Variants in CNTN6 observed in about 807,000 individuals in gnomAD.
The protein encoded by CNTN6 is contactin 6, also known as contactin-6.
CNTN6 carries 137 observed loss-of-function variants against 122.8 expected under a neutral mutation model. The ratio of observed to expected loss-of-function variants is 1.12; its 90% confidence interval spans 0.97 to 1.29. The LOEUF (loss-of-function observed/expected upper bound fraction) is 1.29. Among genes scored for constraint, CNTN6 ranks in the 50% most tolerant of loss-of-function variants. The pLI, the probability that CNTN6 is intolerant of heterozygous loss-of-function variation, is 0.00. For synonymous variants in CNTN6, 570 were observed against 426.0 expected, an observed-to-expected ratio of 1.34 and a Z score of -4.16; for missense variants, 1,634 against 1,223.4, an observed-to-expected ratio of 1.34 and a Z score of -5.01.
chr3:1,267,266 A>T (rs944083065), intron 4 of CNTN6, among the ~76,000 whole-genome samples: 1 of 152,058 alleles, frequency 6.6e-6, no homozygotes, highest in African/African-American at 2.4e-5. Flanking sequence ...ACCATTGAGC[A>T]GGGAAAGTGG....
chr3:1,160,155 TATCTC>T (rs1370481598), intron 2 of CNTN6, among the ~76,000 whole-genome samples: 2 of 151,784 alleles, frequency 1.3e-5, no homozygotes, highest in African/African-American at 2.4e-5. Flanking sequence ...AAATCCAAAA[TATCTC>T]AGTAAGTATA....
intron 11 of CNTN6, among the ~76,000 whole-genome samples, chr3:1,344,654 T>A (rs1175443761): frequency 2.0e-5 from 3 of 152,196 alleles, no homozygotes; most frequent in Non-Finnish European, 4.4e-5. Flanking sequence ...AAGAAAGATT[T>A]GCAAATTATA....
chr3:1,135,236 T>G (rs912222705), intron 1 of CNTN6, among the ~76,000 whole-genome samples: 4 of 152,198 alleles, frequency 2.6e-5, no homozygotes, highest in African/African-American at 9.6e-5. Flanking sequence ...TGCCTCTCTT[T>G]TGCAGAGAAA....
At chr3:1,132,540 C>T (rs1189415431) in intron 1 of CNTN6, among the ~76,000 whole-genome samples, 1 of 151,924 alleles carries the variant, frequency 6.6e-6, no homozygotes, top group Non-Finnish European at 1.5e-5. Flanking sequence ...GCCTGGGCAA[C>T]ATAGAAAGAC....
intron 2 of CNTN6, among the ~76,000 whole-genome samples, chr3:1,215,362 GT>G (rs2094115695): frequency 6.6e-6 from 1 of 152,094 alleles, no homozygotes; most frequent in African/African-American, 2.4e-5. Context: ...TTCACATTAT[GT>G]GAGATAATTA....
chr3:1,385,518 A>T (rs1692743423), intron 19 of CNTN6, 93 bp from the exon 20 acceptor site: 3 of 975,386 alleles, frequency 3.1e-6, no homozygotes, highest in Non-Finnish European at 4.6e-6. Context: ...TTCTTCCCAT[A>T]TTCCTTGTGG....
At chr3:1,222,562 T>C (rs569400628) in intron 3 of CNTN6, among the ~76,000 whole-genome samples, 1 of 118,358 alleles carries the variant, frequency 8.4e-6, no homozygotes, top group Admixed American at 8.2e-5. Flanking sequence ...ATTAGTTTTA[T>C]CTGTGAAAAA....
intron 12 of CNTN6, 53 bp from the exon 13 acceptor site, chr3:1,372,246 A>G: frequency 7.3e-7 from 1 of 1,378,172 alleles, no homozygotes; most frequent in Non-Finnish European, 9.9e-7. Context: ...TGTATTTTAT[A>G]ACCATAGGCT....
intron 5 of CNTN6, among the ~76,000 whole-genome samples, chr3:1,290,466 C>A (rs968542969): frequency 4.6e-5 from 7 of 151,886 alleles, no homozygotes; most frequent in African/African-American, 1.7e-4. Flanking sequence ...AGGACATGAA[C>A]ATAGAAAAAG....
intron 2 of CNTN6, among the ~76,000 whole-genome samples, chr3:1,199,530 C>G (rs1172238537): frequency 2.0e-5 from 3 of 151,830 alleles, no homozygotes; most frequent in African/African-American, 7.3e-5. Context: ...TGCAGCAGCA[C>G]TAGGAAACTA....
chr3:1,295,389 GA>G (rs1466682224), intron 5 of CNTN6, among the ~76,000 whole-genome samples: 3 of 152,200 alleles, frequency 2.0e-5, no homozygotes, highest in Non-Finnish European at 2.9e-5. Flanking sequence ...CAATGATGGG[GA>G]AAGTGCCCAC....
rs189790794 is a variant in CNTN6, at chr3:1,274,792, G to C, written c.359-3621G>C. ...ATGTATGGTTGGCCCTAACCACTCAGAATGTCATAATCATAGTAATTACCA... is the reference window on the plus strand; with the variant it reads ...ATGTATGGTTGGCCCTAACCACTCACAATGTCATAATCATAGTAATTACCA... On this transcript the variant is annotated intron_variant, in intron 4 of 22. Transcript: ENST00000446702. Among the ~76,000 whole-genome samples, 876 of 152,228 alleles carry C rather than the reference G, an allele frequency of 5.8e-3. 8 individuals are homozygous for C. The highest frequency in any genetic ancestry group is 5.0e-3 in the Non-Finnish European group (342 of 68,014).
intron 4 of CNTN6, among the ~76,000 whole-genome samples, chr3:1,256,228 A>G (rs2094755951): frequency 6.6e-6 from 1 of 152,174 alleles, no homozygotes; most frequent in African/African-American, 2.4e-5. Flanking sequence ...TATCTTAAGA[A>G]TTATAATTTT....
Position 1,388,230 on chromosome 3 carries a change from GCCT to G in CNTN6, c.2704+2438_2704+2440del, listed in dbSNP as rs1192050395. 2.9e-4 allele frequency among the ~76,000 whole-genome samples: 43 copies of G among 149,500 alleles called. 1 individual carries two copies. Among genetic ancestry groups the G allele is most frequent in the African/African-American group, 9.8e-4 (40 of 40,726 alleles). ...CTGGAGATCTGAGAACTGGCACACTGCCTCCTCAAGTGGGTCCCTGACCCCTGA... is the reference window on the plus strand; with the variant it reads ...CTGGAGATCTGAGAACTGGCACACTGCCTCAAGTGGGTCCCTGACCCCTGA... On this transcript the variant is annotated intron_variant, in intron 20 of 22. Transcript: ENST00000446702.
chr3:1,326,588 A>T (rs544240573), intron 9 of CNTN6, among the ~76,000 whole-genome samples: 1 of 151,882 alleles, frequency 6.6e-6, no homozygotes, highest in Non-Finnish European at 1.5e-5. Flanking sequence ...CATTTAAAGC[A>T]TACTTTCTTC....
rs557201797 is a variant in CNTN6 at position 1,233,197 on chromosome 3, C to T, written c.358+5204C>T. Among the ~76,000 whole-genome samples, 17 of 152,182 alleles carry T rather than the reference C, an allele frequency of 1.1e-4. No individual in the cohort carries two copies. In the East Asian group the frequency reaches 2.1e-3, roughly 19 times the overall value. On this transcript the variant is annotated intron_variant, in intron 4 of 22. Coordinates refer to ENST00000446702, the MANE Select transcript of CNTN6 (RefSeq NM_001289080.2). ...TCCACACTCAGTATGACACTGTGTA[C>T]GGTGTTAATTTATGGTTAAATGCCA...
At chr3:1,280,751 C>T (rs1693263584) in intron 5 of CNTN6, among the ~76,000 whole-genome samples, 1 of 151,980 alleles carries the variant, frequency 6.6e-6, no homozygotes, top group African/African-American at 2.4e-5. Context: ...AGGCATGAGT[C>T]ACCGCACCTG....
chr3:1,224,594 A>G (rs2094253880), intron 3 of CNTN6, among the ~76,000 whole-genome samples: 1 of 152,168 alleles, frequency 6.6e-6, no homozygotes, highest in African/African-American at 2.4e-5. Context: ...AAAAAGAAAC[A>G]CATTCTTTCA....
chr3:1,349,716 C>T (rs1705329803), intron 11 of CNTN6, among the ~76,000 whole-genome samples: 1 of 151,378 alleles, frequency 6.6e-6, no homozygotes. Context: ...TGTTAAAAAA[C>T]TGGAAATTCT....
Sources: allele counts gnomAD v4.1 joint callset (sites outside exome capture counted in the v4.1 genomes callset), GRCh38; gene constraint gnomAD v4.1.1; transcripts MANE v1.5; gene names NCBI Gene and HGNC (gene_info 2026-07-23, HGNC 2026-07-21).